Variants in DGKG observed in about 807,000 individuals in gnomAD.
The protein encoded by DGKG is DAG kinase gamma.
DGKG carries 78 observed loss-of-function variants against 105.3 expected under a neutral mutation model. That is an observed-to-expected ratio of 0.74 (90% CI 0.62 to 0.89). The LOEUF (loss-of-function observed/expected upper bound fraction) is 0.89, where lower values mean the gene tolerates loss of function less well. DGKG is among the 40% of genes least tolerant of loss of function. The pLI is 0.00. For missense variants in DGKG, 958 were observed against 1,020.1 expected (o/e 0.94, Z 0.83); for synonymous variants, 346 against 367.1 (o/e 0.94, Z 0.66).
intron 21 of DGKG, among the ~76,000 whole-genome samples, chr3:186,207,018 G>A (rs1420757904): frequency 6.6e-6 from 1 of 152,060 alleles, no homozygotes; most frequent in Non-Finnish European, 1.5e-5. Context: ...CAGAGTGCTG[G>A]GATTGTAGGC....
rs59135015 is a variant in DGKG at position 186,155,023 on chromosome 3, T to G, written c.2278-4835A>C. ...TAACTCTGGGAGAAGATTCTGAATTTTGAGGCTCAGATTATGCCACCTAAC... is the reference window on the plus strand; with the variant it reads ...TAACTCTGGGAGAAGATTCTGAATTGTGAGGCTCAGATTATGCCACCTAAC... On this transcript the variant is annotated intron_variant, in intron 24 of 24. Transcript: ENST00000265022. Among the ~76,000 whole-genome samples, 128 of 152,268 alleles carry G rather than the reference T, an allele frequency of 8.4e-4. 1 individual carries two copies. The highest frequency in any genetic ancestry group is 3.1e-3 in the African/African-American group (128 of 41,538).
intron 5 of DGKG, among the ~76,000 whole-genome samples, chr3:186,293,260 G>A (rs1723393400): frequency 6.6e-6 from 1 of 152,094 alleles, no homozygotes; most frequent in African/African-American, 2.4e-5. Flanking sequence ...AAAAATCCTC[G>A]GTGCTTTGCC....
chr3:186,224,660 C>T (rs1719762009), intron 20 of DGKG, among the ~76,000 whole-genome samples: 1 of 152,182 alleles, frequency 6.6e-6, no homozygotes, highest in Admixed American at 6.5e-5. Flanking sequence ...ACATTAAAAG[C>T]TCTACAATAT....
At chr3:186,354,369 T>G (rs911631688) in intron 1 of DGKG, among the ~76,000 whole-genome samples, 1 of 152,202 alleles carries the variant, frequency 6.6e-6, no homozygotes, top group African/African-American at 2.4e-5. Context: ...CTTTGGCTAC[T>G]TGGAACTTTC....
At chr3:186,342,104 C>T (rs1276778208) in intron 1 of DGKG, among the ~76,000 whole-genome samples, 1 of 152,088 alleles carries the variant, frequency 6.6e-6, no homozygotes, top group Non-Finnish European at 1.5e-5. Context: ...CAGCATGGCA[C>T]ATGTATACGT....
chr3:186,281,967 A>G (rs1243516523), intron 7 of DGKG, among the ~76,000 whole-genome samples: 2 of 152,244 alleles, frequency 1.3e-5, no homozygotes, highest in Admixed American at 6.5e-5. Context: ...TTTACAAACC[A>G]GAGCTTGTCC....
At chr3:186,235,169 T>A (rs1037775424) in intron 20 of DGKG, among the ~76,000 whole-genome samples, 1 of 152,210 alleles carries the variant, frequency 6.6e-6, no homozygotes, top group Non-Finnish European at 1.5e-5. Flanking sequence ...AGTCAGTTGC[T>A]CTGTCAGAAT....
In DGKG at chr3:186,275,589, T is replaced by C. The variant is rs747570837; in HGVS notation, c.868A>G (p.Ile290Val). ...KKPTYCNFCH[I>V]MLMGVRKQGL... ...TGCTTGCGGACGCCCATGAGCATGA[T>C]ATGGCAGAAGTTGCAGTAGGTTGGT... The change falls in exon 10 of 25, where the codon ATC becomes GTC. Residue 290 changes from isoleucine (I) to valine (V), a missense_variant. Physicochemically the swap from Ile to Val is conservative, Grantham distance 29. Around this residue, in one of 2 missense-constraint regions of DGKG, gnomAD observed 643 missense variants for 619.5 expected, o/e 1.04. Transcript: ENST00000265022. 2 of 1,614,106 alleles carry C rather than the reference T, an allele frequency of 1.2e-6. No homozygotes were observed. The highest frequency in any genetic ancestry group is 1.7e-5 in the Admixed American group (1 of 60,008).
intron 20 of DGKG, among the ~76,000 whole-genome samples, chr3:186,229,401 T>C (rs2108538460): frequency 6.6e-6 from 1 of 152,084 alleles, no homozygotes; most frequent in East Asian, 1.9e-4. Flanking sequence ...CCCGCCACCA[T>C]GCCCGGCTAA....
Position 186,203,045 on chromosome 3 carries a change from T to C in DGKG, c.1917+8750A>G, listed in dbSNP as rs1402898321. ...AAGTGAACTACAGGGTGCACATTAG[T>C]AAGAAATAAAAAAGAGGGTCATTTA... On this transcript the variant is annotated intron_variant, in intron 21 of 24. Transcript: ENST00000265022. The surrounding 1 kb of genome is among the most constrained non-coding windows in gnomAD (Gnocchi z 4.9). Among the ~76,000 whole-genome samples the C allele has an allele frequency of 6.6e-6, 1 of 152,024 alleles. No individual in the cohort carries two copies. Among genetic ancestry groups the C allele is most frequent in the African/African-American group, 2.4e-5 (1 of 41,392 alleles).
intron 21 of DGKG, among the ~76,000 whole-genome samples, 165 bp downstream of exon 21, chr3:186,211,630 C>G (rs773683900): frequency 1.3e-5 from 2 of 152,164 alleles, no homozygotes; most frequent in African/African-American, 2.4e-5. Flanking sequence ...CCACTGGAGC[C>G]TTCTGAGTGA....
chr3:186,148,144 G>A lies in DGKG; in HGVS notation c.*1946C>T, dbSNP rs753141946. ...TGATAAATCTCAGAGAGGGATGGAGGCCCAATGAAGCTCTGCATGGCCTTG... is the reference window on the plus strand; with the variant it reads ...TGATAAATCTCAGAGAGGGATGGAGACCCAATGAAGCTCTGCATGGCCTTG... On this transcript the variant is annotated 3_prime_UTR_variant, in exon 25 of 25. Transcript: ENST00000265022. 14 of 985,480 alleles carry A rather than the reference G, an allele frequency of 1.4e-5. No individual in the cohort carries two copies. The highest frequency in any genetic ancestry group is 1.7e-5 in the Non-Finnish European group (14 of 829,974). The allele number at this position is 985,480 out of a possible 1,614,324, so 61.0% of individuals were successfully genotyped here. A position where few individuals can be genotyped will look rare whatever the true frequency, so the allele number is the denominator to read the frequency against.
chr3:186,177,665 A>G (rs1256125013), intron 22 of DGKG, among the ~76,000 whole-genome samples: 1 of 152,192 alleles, frequency 6.6e-6, no homozygotes, highest in Non-Finnish European at 1.5e-5. Flanking sequence ...GCAGACTTGG[A>G]GCACCTTAGA....
chr3:186,267,292 G>A (rs1722100756), intron 13 of DGKG, among the ~76,000 whole-genome samples: 1 of 152,134 alleles, frequency 6.6e-6, no homozygotes, highest in Admixed American at 6.5e-5. Context: ...GTCATTTCAG[G>A]GTACTCGGGG....
At chr3:186,172,305 C>G (rs1469325558) in intron 22 of DGKG, among the ~76,000 whole-genome samples, 1 of 152,324 alleles carries the variant, frequency 6.6e-6, no homozygotes, top group South Asian at 2.1e-4. Context: ...ATCCCACCCC[C>G]ACTCCACTTC....
chr3:186,343,209 T>C (rs1308965521), intron 1 of DGKG, among the ~76,000 whole-genome samples: 1 of 152,200 alleles, frequency 6.6e-6, no homozygotes, highest in African/African-American at 2.4e-5. Context: ...TGAACCACTT[T>C]CGTTGATCTT....
chr3:186,192,617 C>G (rs1196050476), intron 21 of DGKG, among the ~76,000 whole-genome samples: 1 of 152,168 alleles, frequency 6.6e-6, no homozygotes, highest in African/African-American at 2.4e-5. Flanking sequence ...CAGCTTCCTA[C>G]TCTACAAGAT....
chr3:186,275,806 A>G (rs1722555371), intron 9 of DGKG, 142 bp from the exon 10 acceptor site: 4 of 569,490 alleles, frequency 7.0e-6, no homozygotes, highest in Non-Finnish European at 1.2e-5. Context: ...AATACAAATA[A>G]AAACAAAATT....
intron 1 of DGKG, among the ~76,000 whole-genome samples, chr3:186,324,839 T>TA (rs2108645057): frequency 6.6e-6 from 1 of 152,374 alleles, no homozygotes; most frequent in East Asian, 1.9e-4. Flanking sequence ...CATTACTGGG[T>TA]ATACATCCAA....
Sources: allele counts gnomAD v4.1 joint callset (sites outside exome capture counted in the v4.1 genomes callset), GRCh38; gene constraint gnomAD v4.1.1; regional missense constraint gnomAD v4.1.1; non-coding constraint Gnocchi (gnomAD v3.1); transcripts MANE v1.5; gene names NCBI Gene and HGNC (gene_info 2026-07-23, HGNC 2026-07-21).